Variants in GPALPP1 observed in about 807,000 individuals in gnomAD.
GPALPP1 encodes GPALPP motifs-containing protein 1.
A neutral mutation model predicts 38.9 loss-of-function variants in GPALPP1; 30 were observed. The ratio of observed to expected loss-of-function variants is 0.77; its 90% CI spans 0.58 to 1.05. The LOEUF is 1.05. Among genes scored for constraint, GPALPP1 ranks in the 50% least tolerant of loss-of-function variants. The pLI is 0.00. For missense variants in GPALPP1, 384 were observed against 408.8 expected (o/e 0.94, Z 0.52); for synonymous variants, 120 against 139.2 (o/e 0.86, Z 0.97).
chr13:45,001,274 A>G (rs1873655930), intron 1 of GPALPP1, among the ~76,000 whole-genome samples: 1 of 152,120 alleles, frequency 6.6e-6, no homozygotes, highest in Non-Finnish European at 1.5e-5. Context: ...CCATAATTGT[A>G]CGTTTCCTGA....
chr13:45,003,713 C>T (rs973055270), intron 1 of GPALPP1, among the ~76,000 whole-genome samples: 1 of 152,128 alleles, frequency 6.6e-6, no homozygotes, highest in African/African-American at 2.4e-5. Context: ...AAGACCCTTA[C>T]CACTCTCCCT....
Position 45,008,824 on chromosome 13 carries a change from G to C in GPALPP1, c.353G>C (p.Gly118Ala). The change falls in exon 4 of 8, where the codon GGT becomes GCT. Residue 118 changes from glycine (G) to alanine (A), a missense_variant. Transcript: ENST00000379151. ...ATAATAGGTCCTGCATTGCCACCTG[G>C]TTTCATTAAATCTACACAGAAAAGT... ...RPIIGPALPP[G>A]FIKSTQKSDK... The C allele has an allele frequency of 1.3e-6, 2 of 1,597,464 alleles. No individual in the cohort carries two copies. Among genetic ancestry groups the C allele is most frequent in the East Asian group, 4.5e-5 (2 of 44,726 alleles).
chr13:45,027,489 T>C (rs932731086), intron 7 of GPALPP1, among the ~76,000 whole-genome samples: 13 of 152,194 alleles, frequency 8.5e-5, no homozygotes, highest in African/African-American at 3.1e-4. Flanking sequence ...TTCCTATCCG[T>C]CCATTTAGCC....
Position 45,020,404 on chromosome 13 carries a change from G to T in GPALPP1, c.780G>T (p.Leu260=). ...TATTATCAGGAAGAGATAAGAGACT[G>T]GCTGAGCAGGTATCTTCATACAATG... is the stretch of plus-strand genomic sequence containing the variant. ...EHILSGRDKR[L]AEQVSSYNES... is the part of the protein sequence containing the mutation. The change falls in exon 7 of 8, where the codon CTG becomes CTT. Residue 260 remains leucine, a synonymous_variant. Coordinates refer to ENST00000379151, the MANE Select transcript of GPALPP1 (RefSeq NM_018559.5). 1 of 1,436,768 alleles carries T rather than the reference G, an allele frequency of 7.0e-7. No individual in the cohort carries two copies. 89.0% of individuals were successfully genotyped at this position (1,436,768 alleles called of 1,614,324 possible). A position where few individuals can be genotyped will look rare whatever the true frequency, so the allele number is the denominator to read the frequency against.
intron 7 of GPALPP1, among the ~76,000 whole-genome samples, chr13:45,024,091 A>G (rs866379131): frequency 4.0e-5 from 6 of 149,916 alleles, no homozygotes; most frequent in Admixed American, 2.0e-4. Flanking sequence ...TTTTCAACCC[A>G]TCAGTGCTGG....
rs1440318847 is a variant in GPALPP1 at position 44,995,196 on chromosome 13, A to ACACACACACG, written c.88+5461_88+5462insACGCACACAC. The stretch of plus-strand genomic sequence containing the variant: ...CACACACACACACACACACACACAC[A>ACACACACACG]CACACACCCCTTCTCTTTTGGTTTC... On this transcript the variant is annotated intron_variant, in intron 1 of 7. Transcript: ENST00000379151. Among the ~76,000 whole-genome samples, 16 of 36,050 alleles carry ACACACACACG rather than the reference A, an allele frequency of 4.4e-4. No homozygotes were observed. The South Asian group carries it at 0.014, about 32-fold the overall frequency. 23.7% of individuals were successfully genotyped at this position (36,050 alleles called of 152,430 possible).
At chr13:45,002,060 T>TTTTG (rs773684882) in intron 1 of GPALPP1, 5 of 152,472 alleles carry the variant, frequency 3.3e-5, no homozygotes, top group Admixed American at 6.5e-5. Context: ...GCTGACAGTT[T>TTTTG]TTTGTTTGTT....
chr13:45,036,410 T>C (rs1876399447), exon 8 of GPALPP1: 1 of 152,226 alleles, frequency 6.6e-6, no homozygotes, highest in African/African-American at 2.4e-5. Context: ...TGCAGAACAT[T>C]GAAAAGGCAG....
At chr13:45,017,312 A>G (rs901853259) in intron 6 of GPALPP1, among the ~76,000 whole-genome samples, 1 of 152,174 alleles carries the variant, frequency 6.6e-6, no homozygotes, top group Non-Finnish European at 1.5e-5. Context: ...AACATTATAC[A>G]TAATTTCTTT....
chr13:45,000,551 C>T (rs547975492), intron 1 of GPALPP1, among the ~76,000 whole-genome samples: 18 of 152,260 alleles, frequency 1.2e-4, no homozygotes, highest in African/African-American at 3.6e-4. Context: ...AAAATTTTTT[C>T]TTGATACAAA....
At chr13:45,024,155 G>A (rs1188173539) in intron 7 of GPALPP1, among the ~76,000 whole-genome samples, 3 of 5,508 alleles carry the variant, frequency 5.4e-4, no homozygotes, top group Non-Finnish European at 6.1e-4. Context: ...CTCTGTGTGT[G>A]TGTGTGTGTG....
chr13:45,013,744 G>T (rs1874639448), intron 4 of GPALPP1, among the ~76,000 whole-genome samples: 1 of 152,128 alleles, frequency 6.6e-6, no homozygotes, highest in Admixed American at 6.6e-5. Context: ...GCTTAGAAAG[G>T]TTAAATAACA....
intron 4 of GPALPP1, among the ~76,000 whole-genome samples, chr13:45,012,739 T>C (rs970177914): frequency 3.0e-4 from 45 of 152,328 alleles, no homozygotes; most frequent in Non-Finnish European, 2.2e-4. Flanking sequence ...TTGTTTGCCT[T>C]ATAATTTCCC....
chr13:44,995,699 TC>T (rs1873218344), intron 1 of GPALPP1, among the ~76,000 whole-genome samples: 1 of 152,150 alleles, frequency 6.6e-6, no homozygotes, highest in Non-Finnish European at 1.5e-5. Flanking sequence ...CCTATTTCTG[TC>T]TTCTGTAGCA....
At chr13:45,034,807 G>T (rs1323602269), downstream of GPALPP1, 2 of 149,340 alleles carry the variant, frequency 1.3e-5, no homozygotes, top group Non-Finnish European at 3.0e-5. Context: ...CGCAATCTCG[G>T]CTCACTGCAC....
intron 7 of GPALPP1, 103 bp from the exon 8 acceptor site, chr13:45,027,682 C>G: frequency 1.7e-6 from 1 of 588,422 alleles, no homozygotes. Flanking sequence ...AAATAGCCCT[C>G]CTTAATGTGC....
chr13:45,002,110 C>A (rs1196629459), intron 1 of GPALPP1: 1 of 152,294 alleles, frequency 6.6e-6, no homozygotes, highest in Non-Finnish European at 1.5e-5. Context: ...GACCCACAAC[C>A]TCCCAATGAC....
rs1875974580 is a variant in GPALPP1 at position 45,028,091 on chromosome 13, TC to T, written c.*89del. On this transcript the variant is annotated 3_prime_UTR_variant, in exon 8 of 8. Coordinates refer to ENST00000379151, the MANE Select transcript of GPALPP1 (RefSeq NM_018559.5). Reference sequence around the variant, plus strand: ...ATTGTCTTTAATAATTGTGCTGAAATCTATTTCCTTTTATAATAGATTAAAA... The same window carrying T: ...ATTGTCTTTAATAATTGTGCTGAAATTATTTCCTTTTATAATAGATTAAAA... The T allele has an allele frequency of 1.5e-6, 1 of 660,108 alleles. No homozygotes were observed. The highest frequency in any genetic ancestry group is 2.7e-5 in the Admixed American group (1 of 37,186). The allele number at this position is 660,108 out of a possible 1,614,324, so 40.9% of individuals were successfully genotyped here. A position where few individuals can be genotyped will look rare whatever the true frequency, so the allele number is the denominator to read the frequency against.
intron 1 of GPALPP1, among the ~76,000 whole-genome samples, chr13:44,993,228 G>T (rs561025827): frequency 1.3e-5 from 2 of 152,288 alleles, no homozygotes; most frequent in South Asian, 4.1e-4. Flanking sequence ...GTATGCTATT[G>T]TGAATAATGC....
Sources: gnomAD v4.1 joint callset for allele counts (sites outside exome capture counted in the v4.1 genomes callset) on GRCh38, gnomAD v4.1.1 for gene constraint, MANE v1.5 for transcripts, NCBI Gene and HGNC (gene_info 2026-07-23, HGNC 2026-07-21) for gene names.